Variants in RIPOR2 observed in about 807,000 individuals in gnomAD.
RIPOR2 encodes the protein RHO family interacting cell polarization regulator 2, also known as rho family-interacting cell polarization regulator 2.
A neutral mutation model predicts 114.5 loss-of-function variants in RIPOR2; 39 were observed. The observed-to-expected ratio is 0.34, with a 90% CI of 0.26 to 0.44. The LOEUF (loss-of-function observed/expected upper bound fraction) is 0.44. Ranked by LOEUF, RIPOR2 falls within the 20% of genes least tolerant of loss-of-function variation. The probability of loss-of-function intolerance (pLI) is 1.00; values close to 1 mark genes in which losing one functional copy is unlikely to be tolerated. For missense variants in RIPOR2, 1,007 were observed against 1,255.1 expected (o/e 0.80, Z 2.99); for synonymous variants, 445 against 484.4 (o/e 0.92, Z 1.07).
At chr6:24,818,009 A>G (rs1759322725) in intron 20 of RIPOR2, among the ~76,000 whole-genome samples, 1 of 111,080 alleles carries the variant, frequency 9.0e-6, no homozygotes, top group Non-Finnish European at 1.8e-5. Flanking sequence ...TGGCTCTGCC[A>G]CCCAGGCTGG....
At chr6:24,991,069 A>G (rs766977698) in intron 1 of RIPOR2, among the ~76,000 whole-genome samples, 18 of 152,220 alleles carry the variant, frequency 1.2e-4, no homozygotes, top group African/African-American at 2.7e-4. Context: ...ATGAGCTACA[A>G]TTGCAGCCAG....
chr6:24,909,062 C>T (rs149560038), intron 1 of RIPOR2, among the ~76,000 whole-genome samples: 1 of 152,318 alleles, frequency 6.6e-6, no homozygotes, highest in African/African-American at 2.4e-5. Flanking sequence ...TAAACAGATT[C>T]TCCAATGTTC....
rs1029981906 is a variant in RIPOR2 at position 24,839,189 on chromosome 6, G to A, written c.1941C>T (p.Asn647=). 9.0e-6 allele frequency: 14 copies of A among 1,551,750 alleles called. No homozygotes were observed. The highest frequency in any genetic ancestry group is 1.2e-5 in the Non-Finnish European group (14 of 1,146,982). The stretch of plus-strand genomic sequence containing the variant: ...CCTCCTCCTCGTCAAAATCAGAGGT[G>A]TTCAGGAAATCAAAGCTTTCTAAAG... ...ESALESFDFL[N]TSDFDEEEDG... Residue 647 remains asparagine (N), a synonymous_variant, in exon 14 of 22, where the codon AAC becomes AAT. Coordinates refer to ENST00000643898, the MANE Select transcript of RIPOR2 (RefSeq NM_001286445.3).
intron 1 of RIPOR2, among the ~76,000 whole-genome samples, chr6:24,995,848 G>T (rs976226306): frequency 6.7e-6 from 1 of 149,410 alleles, no homozygotes; most frequent in African/African-American, 2.5e-5. Flanking sequence ...GTCGCCCCAG[G>T]CTGGAGTGCA....
At chr6:24,944,010 C>T (rs548172976) in intron 1 of RIPOR2, among the ~76,000 whole-genome samples, 2 of 152,230 alleles carry the variant, frequency 1.3e-5, no homozygotes, top group African/African-American at 4.8e-5. Flanking sequence ...GAGTTAGGGG[C>T]AAACAATAGG....
upstream of RIPOR2, chr6:24,935,985 T>C: frequency 9.6e-7 from 1 of 1,046,196 alleles, no homozygotes; most frequent in Admixed American, 2.1e-5. Flanking sequence ...TTTCCTTTCC[T>C]TGGGTTGCCC....
chr6:24,978,041 A>C (rs1774144628), intron 1 of RIPOR2, among the ~76,000 whole-genome samples: 1 of 152,206 alleles, frequency 6.6e-6, no homozygotes, highest in Non-Finnish European at 1.5e-5. Context: ...GCTTTCCTGC[A>C]ACTGCCAGAG....
chr6:25,033,362 C>T (rs1264131103), intron 1 of RIPOR2, among the ~76,000 whole-genome samples: 1 of 152,150 alleles, frequency 6.6e-6, no homozygotes, highest in Non-Finnish European at 1.5e-5. Flanking sequence ...AGGCAGCTCC[C>T]CAGTCCTTTT....
intron 1 of RIPOR2, among the ~76,000 whole-genome samples, chr6:25,031,443 G>T (rs1174771397): frequency 6.6e-6 from 1 of 151,608 alleles, no homozygotes; most frequent in Non-Finnish European, 1.5e-5. Context: ...CACGACTATA[G>T]GTGTTTGTCA....
At chr6:25,002,001 C>T (rs12208437) in intron 1 of RIPOR2, among the ~76,000 whole-genome samples, 4 of 151,794 alleles carry the variant, frequency 2.6e-5, no homozygotes, top group Non-Finnish European at 4.4e-5. Context: ...AGCCACTGCG[C>T]CCAGCCTGTG....
At chr6:24,917,654 C>T (rs764647763) in intron 1 of RIPOR2, among the ~76,000 whole-genome samples, 3 of 152,094 alleles carry the variant, frequency 2.0e-5, no homozygotes, top group South Asian at 4.1e-4. Flanking sequence ...CTCAGCCTCC[C>T]GTGTAGCTGG....
At chr6:25,032,761 TG>T (rs1045337986) in intron 1 of RIPOR2, among the ~76,000 whole-genome samples, 1 of 152,212 alleles carries the variant, frequency 6.6e-6, no homozygotes, top group Non-Finnish European at 1.5e-5. Context: ...AATATTTAAG[TG>T]GTTCAGATTA....
intron 1 of RIPOR2, among the ~76,000 whole-genome samples, chr6:24,876,575 T>C (rs1367373209): frequency 6.6e-6 from 1 of 152,208 alleles, no homozygotes; most frequent in Non-Finnish European, 1.5e-5. Context: ...TAGGTTACTT[T>C]AGAGATGAAC....
chr6:24,842,516 C>G (rs754084623), intron 13 of RIPOR2, among the ~76,000 whole-genome samples: 33 of 152,158 alleles, frequency 2.2e-4, no homozygotes, highest in African/African-American at 5.3e-4. Flanking sequence ...CTTTCCCGAC[C>G]CCCTGAGAGG....
intron 1 of RIPOR2, among the ~76,000 whole-genome samples, chr6:24,944,634 C>A (rs1382876296): frequency 1.3e-5 from 2 of 152,194 alleles, no homozygotes; most frequent in African/African-American, 4.8e-5. Context: ...CTAATGAAGC[C>A]CAGAAGATGT....
At position 24,987,031 on chromosome 6, in the gene RIPOR2, T is replaced by C. The variant is rs572970299; in HGVS notation, c.76+54820A>G. Among the ~76,000 whole-genome samples the C allele has an allele frequency of 1.2e-4, 18 of 152,350 alleles. 1 individual carries two copies. In the South Asian group the frequency reaches 1.9e-3, roughly 16 times the overall value. On this transcript the variant is annotated intron_variant, in intron 1 of 13. Coordinates refer to the RIPOR2 transcript ENST00000510784. ...CCGTATTGGCCTGAAGGCTATGGGCTGGGCAGGCTTGCTTTAGAGGATAGA... is the reference window on the plus strand; with the variant it reads ...CCGTATTGGCCTGAAGGCTATGGGCCGGGCAGGCTTGCTTTAGAGGATAGA...
At position 25,024,353 on chromosome 6, in the gene RIPOR2, G is replaced by C. The variant is rs1776499103; in HGVS notation, c.76+17498C>G. On this transcript the variant is annotated intron_variant, in intron 1 of 13. Transcript: ENST00000510784. ...GTGCCTTCTTCCTGGCTTCCTCGAA[G>C]TCTTCCTTCTGGCCAGTGTTGGCCA... 19 of 1,427,348 alleles carry C rather than the reference G, an allele frequency of 1.3e-5. No individual in the cohort carries two copies. In the East Asian group the frequency reaches 4.3e-4, roughly 33 times the overall value. 88.4% of individuals were successfully genotyped at this position (1,427,348 alleles called of 1,614,324 possible).
chr6:24,900,864 G>T (rs1768377027), intron 1 of RIPOR2, among the ~76,000 whole-genome samples: 1 of 152,102 alleles, frequency 6.6e-6, no homozygotes, highest in Admixed American at 6.6e-5. Context: ...TGTGGTAGTT[G>T]TTGTTTTAAG....
chr6:24,948,045 A>G (rs1181072515), intron 1 of RIPOR2: 2 of 152,118 alleles, frequency 1.3e-5, no homozygotes, highest in African/African-American at 4.8e-5. Flanking sequence ...AAAAATCGAG[A>G]CTGTCTCAAC....
Sources: allele counts gnomAD v4.1 joint callset (sites outside exome capture counted in the v4.1 genomes callset), GRCh38; gene constraint gnomAD v4.1.1; transcripts MANE v1.5; gene names NCBI Gene and HGNC (gene_info 2026-07-23, HGNC 2026-07-21).